Variants in BICC1 observed in about 807,000 individuals in gnomAD.
The protein encoded by BICC1 is protein bicaudal C homolog 1.
BICC1 carries 43 observed loss-of-function variants against 111.0 expected under a neutral mutation model. The observed-to-expected ratio is 0.39, with a 90% CI of 0.30 to 0.50. The LOEUF (loss-of-function observed/expected upper bound fraction) is 0.50, where lower values mean the gene tolerates loss of function less well. Among genes scored for constraint, BICC1 ranks in the 20% least tolerant of loss-of-function variants. The pLI, the probability that BICC1 is intolerant of heterozygous loss-of-function variation, is 0.88. For synonymous variants in BICC1, 467 were observed against 434.4 expected (o/e 1.07, Z -0.93); for missense variants, 1,091 against 1,203.2 (o/e 0.91, Z 1.38).
intron 3 of BICC1, among the ~76,000 whole-genome samples, chr10:58,780,891 T>C (rs1250930526): frequency 3.3e-5 from 5 of 152,212 alleles, no homozygotes; most frequent in Admixed American, 2.0e-4. Flanking sequence ...GCGGGTGTCC[T>C]TACGACAATT....
intron 1 of BICC1, among the ~76,000 whole-genome samples, chr10:58,601,590 T>C (rs533013695): frequency 3.6e-4 from 55 of 152,128 alleles, no homozygotes; most frequent in Non-Finnish European, 7.4e-4. Context: ...AGACCTAGAC[T>C]CTTAGAAATA....
intron 1 of BICC1, among the ~76,000 whole-genome samples, chr10:58,536,185 CA>C (rs1437229641): frequency 6.6e-6 from 1 of 151,566 alleles, no homozygotes; most frequent in Non-Finnish European, 1.5e-5. Context: ...AGAAAGTCAA[CA>C]AAGAAATACT....
At chr10:58,799,288 T>C in intron 12 of BICC1, 36 bp downstream of exon 12, 4 of 1,486,882 alleles carry the variant, frequency 2.7e-6, no homozygotes, top group Non-Finnish European at 3.6e-6. Flanking sequence ...GTGTGATCTG[T>C]ACTGTTTGTA....
chr10:58,718,809 T>C (rs1204329052), intron 3 of BICC1, among the ~76,000 whole-genome samples: 1 of 151,392 alleles, frequency 6.6e-6, no homozygotes, highest in Non-Finnish European at 1.5e-5. Flanking sequence ...TGCTTATGGG[T>C]ATGTGTGTGT....
At chr10:58,731,158 C>G (rs1841280201) in intron 3 of BICC1, among the ~76,000 whole-genome samples, 1 of 152,160 alleles carries the variant, frequency 6.6e-6, no homozygotes, top group South Asian at 2.1e-4. Context: ...TCATCTCTCA[C>G]AAGTTTAAAG....
At chr10:58,698,379 C>T (rs1840129001) in intron 2 of BICC1, among the ~76,000 whole-genome samples, 1 of 152,122 alleles carries the variant, frequency 6.6e-6, no homozygotes, top group African/African-American at 2.4e-5. Flanking sequence ...CCAGACCTTT[C>T]CACATGCCCT....
At chr10:58,549,608 CTG>C (rs1843236644) in intron 1 of BICC1, among the ~76,000 whole-genome samples, 1 of 136,736 alleles carries the variant, frequency 7.3e-6, no homozygotes, top group Non-Finnish European at 1.6e-5. Context: ...GGTGAGGAGT[CTG>C]TTCAGATTTT....
intron 1 of BICC1, among the ~76,000 whole-genome samples, chr10:58,572,590 T>A (rs1224541956): frequency 6.6e-6 from 1 of 152,140 alleles, no homozygotes; most frequent in Non-Finnish European, 1.5e-5. Context: ...ATGAGCAAAC[T>A]TTATTCAGTG....
chr10:58,715,468 G>T (rs1176458216), intron 3 of BICC1: 8 of 768,294 alleles, frequency 1.0e-5, no homozygotes, highest in African/African-American at 1.0e-4. Context: ...GTGGGGAGGC[G>T]GCAAGAGGAC....
chr10:58,534,930 C>G lies in BICC1; in HGVS notation c.190+21597C>G, dbSNP rs1842787971. On this transcript the variant is annotated intron_variant, in intron 1 of 20. Transcript: ENST00000373886. ...AGAACTTCCAGAAATGAAAGACACA[C>G]TTAGGGTACTACAAAATGCAGTGGA... Among the ~76,000 whole-genome samples the G allele has an allele frequency of 2.6e-5, 4 of 151,276 alleles. No homozygotes were observed. The Admixed American group carries it at 2.6e-4, about 10-fold the overall frequency.
intron 2 of BICC1, among the ~76,000 whole-genome samples, chr10:58,687,581 T>C (rs1839776134): frequency 6.6e-6 from 1 of 152,130 alleles, no homozygotes; most frequent in African/African-American, 2.4e-5. Flanking sequence ...AGACACCCCT[T>C]CCCCAGCCTC....
At chr10:58,677,288 G>T (rs990924679) in intron 2 of BICC1, among the ~76,000 whole-genome samples, 1 of 152,148 alleles carries the variant, frequency 6.6e-6, no homozygotes, top group African/African-American at 2.4e-5. Context: ...CCAATGCAAA[G>T]GAAGCTGAGA....
At chr10:58,531,027 C>T (rs1416473104) in intron 1 of BICC1, among the ~76,000 whole-genome samples, 3 of 151,904 alleles carry the variant, frequency 2.0e-5, no homozygotes, top group South Asian at 2.1e-4. Flanking sequence ...TCATCTGAGT[C>T]GGCCCCTTCC....
intron 20 of BICC1, among the ~76,000 whole-genome samples, chr10:58,820,985 C>G (rs753221453): frequency 1.3e-5 from 2 of 152,024 alleles, no homozygotes; most frequent in Non-Finnish European, 2.9e-5. Context: ...ACATAGTATC[C>G]TGAAGATAGT....
At chr10:58,793,225 A>G (rs1396540987) in intron 8 of BICC1, among the ~76,000 whole-genome samples, 2 of 152,200 alleles carry the variant, frequency 1.3e-5, no homozygotes, top group Non-Finnish European at 2.9e-5. Flanking sequence ...TCCAAGGTGC[A>G]CAGTGGATAA....
In BICC1 at chr10:58,674,072, TTTTAGAATTAAGGAGA is replaced by T. The variant is rs1839266373; in HGVS notation, c.238-27997_238-27982del. On this transcript the variant is annotated intron_variant, in intron 2 of 20. Coordinates refer to ENST00000373886, the MANE Select transcript of BICC1 (RefSeq NM_001080512.3). ...GAAATAAATCATTTAGCTACCAACATTTTAGAATTAAGGAGATTTACATACCAATTTGGTTTTGTAG... is the reference window on the plus strand; with the variant it reads ...GAAATAAATCATTTAGCTACCAACATTTTACATACCAATTTGGTTTTGTAG... Among the ~76,000 whole-genome samples, 5 of 152,338 alleles carry T rather than the reference TTTTAGAATTAAGGAGA, an allele frequency of 3.3e-5. No homozygotes were observed. The South Asian group carries it at 1.0e-3, about 32-fold the overall frequency.
intron 1 of BICC1, among the ~76,000 whole-genome samples, chr10:58,555,305 C>CTTT (rs1564485963): frequency 4.3e-5 from 4 of 93,828 alleles, no homozygotes; most frequent in African/African-American, 1.8e-4. Context: ...GGCTGTTGGA[C>CTTT]ATTTTTTTTT....
At chr10:58,553,060 G>T (rs1564484821) in intron 1 of BICC1, among the ~76,000 whole-genome samples, 2 of 151,934 alleles carry the variant, frequency 1.3e-5, no homozygotes, top group East Asian at 1.9e-4. Context: ...CCTTTAAATT[G>T]ACCCCCATAG....
rs377070658 is a variant in BICC1 at position 58,547,806 on chromosome 10, T to C, written c.190+34473T>C. Among the ~76,000 whole-genome samples the C allele has an allele frequency of 2.6e-5, 4 of 152,196 alleles. No homozygotes were observed. The East Asian group carries it at 7.7e-4, about 29-fold the overall frequency. ...AGTTGGCTACTGTGTCCCTTTGATA[T>C]ACCCCCACTGTTGCATTGTTGTTGT... On this transcript the variant is annotated intron_variant, in intron 1 of 20. Coordinates refer to ENST00000373886, the MANE Select transcript of BICC1 (RefSeq NM_001080512.3).
Sources: allele counts gnomAD v4.1 joint callset (sites outside exome capture counted in the v4.1 genomes callset), GRCh38; gene constraint gnomAD v4.1.1; transcripts MANE v1.5; gene names NCBI Gene and HGNC (gene_info 2026-07-23, HGNC 2026-07-21).